The following ZDHHC22 variants were observed in gnomAD, a reference collection of about 807,000 sequenced individuals.
The protein encoded by ZDHHC22 is zDHHC palmitoyltransferase 22, also known as palmitoyltransferase ZDHHC22.
ZDHHC22 carries 13 observed loss-of-function variants against 17.0 expected under a neutral mutation model. That is an observed-to-expected ratio of 0.76 (90% confidence interval 0.50 to 1.21). The LOEUF (loss-of-function observed/expected upper bound fraction) is 1.21. Ranked by LOEUF, ZDHHC22 falls within the 50% of genes most tolerant of loss-of-function variation. ZDHHC22 has a pLI of 0.00. For missense variants in ZDHHC22, 319 were observed against 342.3 expected (o/e 0.93, Z 0.54); for synonymous variants, 138 against 154.7 (o/e 0.89, Z 0.80).
Position 77,133,784 on chromosome 14 carries a change from G to T in ZDHHC22, c.691C>A (p.Arg231Ser). 6.2e-7 allele frequency: 1 copy of T among 1,613,982 alleles called. No individual in the cohort carries two copies. Among genetic ancestry groups the T allele is most frequent in the Non-Finnish European group, 8.5e-7 (1 of 1,179,890 alleles). The change falls in exon 3 of 3, where the codon CGC (arginine) becomes AGC (serine). Residue 231 changes from arginine (R) to serine (S), a missense_variant. Physicochemically the swap from Arg to Ser is moderately radical, Grantham distance 110. Transcript: ENST00000319374. ...CCGAAGACCTCTTGTAAGTTCTTGC[G>T]CCAGGGCCGGGCCCTCACTGCCACC... Reference protein sequence around the residue: ...KGVAVRARPWRKNLQEVFGKR... With the variant: ...KGVAVRARPWSKNLQEVFGKR...
At chr14:77,138,896 CTG>C (rs1453391793) in intron 2 of ZDHHC22, among the ~76,000 whole-genome samples, 2 of 152,148 alleles carry the variant, frequency 1.3e-5, no homozygotes, top group Non-Finnish European at 2.9e-5. Flanking sequence ...TGCCACAACT[CTG>C]TGAGCATATG....
chr14:77,131,513 C>A lies in ZDHHC22; in HGVS notation c.*2170G>T, dbSNP rs1029558672. Reference sequence around the variant, plus strand: ...TGGCTTCTAAGCTTGAGCTCTGGAGCCAGGAAAGAGTCAAGGCCAAAATTG... The same window carrying A: ...TGGCTTCTAAGCTTGAGCTCTGGAGACAGGAAAGAGTCAAGGCCAAAATTG... On this transcript the variant is annotated 3_prime_UTR_variant, in exon 3 of 3. Coordinates refer to ENST00000319374, the MANE Select transcript of ZDHHC22 (RefSeq NM_174976.2). 5 of 152,200 alleles carry A rather than the reference C, an allele frequency of 3.3e-5. No individual in the cohort carries two copies. The highest frequency in any genetic ancestry group is 1.2e-4 in the African/African-American group (5 of 41,444). 9.4% of individuals were successfully genotyped at this position (152,200 alleles called of 1,614,324 possible).
At chr14:77,137,250 G>A (rs59366468) in intron 2 of ZDHHC22, among the ~76,000 whole-genome samples, 9,270 of 152,240 alleles carry the variant, frequency 0.061, 362 homozygotes, top group Admixed American at 0.13. Flanking sequence ...TTGCTCGCCT[G>A]TTTCCAGTGG....
At position 77,133,808 on chromosome 14, in the gene ZDHHC22, C is replaced by T; in HGVS notation, c.667G>A (p.Val223Met). ...CGCCAGGGCCGGGCCCTCACTGCCA[C>T]CCCCTTCCGCACCTGGTGGCGGGTC... ...GQTRHQVRKG[V>M]AVRARPWRKN... Residue 223 changes from valine (V) to methionine (M), a missense_variant, in exon 3 of 3, where the codon GTG becomes ATG. Physicochemically the swap from Val to Met is conservative, Grantham distance 21. Coordinates refer to ENST00000319374, the MANE Select transcript of ZDHHC22 (RefSeq NM_174976.2). The T allele has an allele frequency of 1.2e-6, 2 of 1,613,988 alleles. No homozygotes were observed. The highest frequency in any genetic ancestry group is 1.7e-6 in the Non-Finnish European group (2 of 1,179,896).
chr14:77,133,494 G>A lies in ZDHHC22; in HGVS notation c.*189C>T. 1.3e-6 allele frequency: 1 copy of A among 792,350 alleles called. No homozygotes were observed. Among genetic ancestry groups the A allele is most frequent in the Non-Finnish European group, 1.9e-6 (1 of 537,788 alleles). The allele number at this position is 792,350 out of a possible 1,614,324, so 49.1% of individuals were successfully genotyped here. A position where few individuals can be genotyped will look rare whatever the true frequency, so the allele number is the denominator to read the frequency against. ...TCGTGAGGAGCCTAGAAATGCCTGG[G>A]GGGACATTTTTCCTCCTTGTCATGA... On this transcript the variant is annotated 3_prime_UTR_variant, in exon 3 of 3. Coordinates refer to ENST00000319374, the MANE Select transcript of ZDHHC22 (RefSeq NM_174976.2).
intron 2 of ZDHHC22, 121 bp from the exon 3 acceptor site, chr14:77,134,069 T>A: frequency 2.4e-6 from 3 of 1,244,348 alleles, no homozygotes; most frequent in Non-Finnish European, 3.3e-6. Flanking sequence ...ACGCTACATT[T>A]TGTAGCAACC....
intron 2 of ZDHHC22, among the ~76,000 whole-genome samples, chr14:77,136,698 C>T (rs1887142963): frequency 1.3e-5 from 2 of 152,222 alleles, no homozygotes; most frequent in African/African-American, 2.4e-5. Flanking sequence ...GGCCCAAACT[C>T]ACAGCCATCC....
chr14:77,139,460 GC>G lies in ZDHHC22; in HGVS notation c.278del (p.Ser93ThrfsTer13). 1 of 1,613,202 alleles carries G rather than the reference GC, an allele frequency of 6.2e-7. No individual in the cohort carries two copies. The highest frequency in any genetic ancestry group is 8.5e-7 in the Non-Finnish European group (1 of 1,179,640). ...SARKTPCPSP[S>X]THFCRVCARV... ...TGGCGCACACTCGGCAGAAGTGGGT[GC>G]TAGGTGAGGGGCATGGAGTCTTCCT... On this transcript the variant is annotated frameshift_variant, in exon 2 of 3. Coordinates refer to ENST00000319374, the MANE Select transcript of ZDHHC22 (RefSeq NM_174976.2). LOFTEE classifies it high-confidence loss of function.
chr14:77,141,158 A>C (rs1340286919), intron 1 of ZDHHC22: 1 of 152,100 alleles, frequency 6.6e-6, no homozygotes, highest in Non-Finnish European at 1.5e-5. Context: ...GCACGCCCCC[A>C]GTCCTGCGCC....
rs576580680 is a variant in ZDHHC22 at position 77,136,550 on chromosome 14, T to A, written c.527-2602A>T. On this transcript the variant is annotated intron_variant, in intron 2 of 2. Coordinates refer to ENST00000319374, the MANE Select transcript of ZDHHC22 (RefSeq NM_174976.2). ...TTCAGAGAGGTGACACAGCAACCTG[T>A]ACTGGTCCCACAAAGCCAAAAGAAA... is the stretch of plus-strand genomic sequence containing the variant. Among the ~76,000 whole-genome samples, 4 of 152,282 alleles carry A rather than the reference T, an allele frequency of 2.6e-5. No individual in the cohort carries two copies. The South Asian group carries it at 8.3e-4, about 32-fold the overall frequency.
chr14:77,138,385 C>T (rs1384006909), intron 2 of ZDHHC22, among the ~76,000 whole-genome samples: 1 of 152,194 alleles, frequency 6.6e-6, no homozygotes, highest in Non-Finnish European at 1.5e-5. Flanking sequence ...CAGTAAAACA[C>T]CATCTCTACT....
At position 77,137,717 on chromosome 14, in the gene ZDHHC22, T is replaced by C. The variant is rs139052788; in HGVS notation, c.526+1496A>G. Among the ~76,000 whole-genome samples, 22 of 152,328 alleles carry C rather than the reference T, an allele frequency of 1.4e-4. No homozygotes were observed. The East Asian group carries it at 4.2e-3, about 29-fold the overall frequency. On this transcript the variant is annotated intron_variant, in intron 2 of 2. Coordinates refer to ENST00000319374, the MANE Select transcript of ZDHHC22 (RefSeq NM_174976.2). Reference sequence around the variant, plus strand: ...TCTGTGTTCCCACTGCCAAATGGCATGATAGTTCTATGCCTGGGAAGAACT... The same window carrying C: ...TCTGTGTTCCCACTGCCAAATGGCACGATAGTTCTATGCCTGGGAAGAACT...
At chr14:77,136,324 A>G (rs945062250) in intron 2 of ZDHHC22, among the ~76,000 whole-genome samples, 9 of 152,210 alleles carry the variant, frequency 5.9e-5, no homozygotes, top group African/African-American at 2.2e-4. Context: ...TTAAAAATGG[A>G]CATGATAATA....
At chr14:77,142,093 G>C (rs775986968), upstream of ZDHHC22, 1 of 152,650 alleles carries the variant, frequency 6.6e-6, no homozygotes, top group Non-Finnish European at 1.5e-5. Context: ...GGCTTGAGAG[G>C]TCAGCTTGCC....
rs1029274918 is a variant in ZDHHC22, at chr14:77,140,590, C to G, written c.-14-838G>C. On this transcript the variant is annotated intron_variant, in intron 1 of 2. Coordinates refer to ENST00000319374, the MANE Select transcript of ZDHHC22 (RefSeq NM_174976.2). The surrounding 1 kb of genome is among the most constrained non-coding windows in gnomAD (Gnocchi z 5.9). ...GCACATCTCTCCAACGCTGGCTGCC[C>G]GGGCTATTTCTTTGCGAAGAGCGTT... is the stretch of plus-strand genomic sequence containing the variant. The G allele has an allele frequency of 6.6e-6, 1 of 152,126 alleles. No homozygotes were observed. The highest frequency in any genetic ancestry group is 1.5e-5 in the Non-Finnish European group (1 of 68,008). 9.4% of individuals were successfully genotyped at this position (152,126 alleles called of 1,614,324 possible).
intron 2 of ZDHHC22, 92 bp downstream of exon 2, chr14:77,139,121 G>A: frequency 7.3e-7 from 1 of 1,375,854 alleles, no homozygotes; most frequent in Non-Finnish European, 9.8e-7. Context: ...TGCTAAATCT[G>A]GCAACTTTTG....
intron 2 of ZDHHC22, 123 bp downstream of exon 2, chr14:77,139,090 G>A (rs376645970): frequency 4.7e-6 from 5 of 1,065,266 alleles, no homozygotes; most frequent in Admixed American, 2.9e-5. Context: ...TTAATTTAGC[G>A]GGACGGTCTG....
rs533154951 is a variant in ZDHHC22, at chr14:77,137,704, C to T, written c.526+1509G>A. On this transcript the variant is annotated intron_variant, in intron 2 of 2. Transcript: ENST00000319374. ...TCCCCCCTGTATCTCTGTGTTCCCA[C>T]TGCCAAATGGCATGATAGTTCTATG... 1.1e-3 allele frequency among the ~76,000 whole-genome samples: 162 copies of T among 152,354 alleles called. 1 individual carries two copies. Among genetic ancestry groups the T allele is most frequent in the African/African-American group, 3.7e-3 (154 of 41,586 alleles).
chr14:77,139,161 G>A (rs1467003548), intron 2 of ZDHHC22, 52 bp downstream of exon 2: 1 of 1,515,916 alleles, frequency 6.6e-7, no homozygotes, highest in Non-Finnish European at 8.9e-7. Flanking sequence ...GGCAACCTTT[G>A]GGGTGGGAGG....
Sources: gnomAD v4.1 joint callset for allele counts (sites outside exome capture counted in the v4.1 genomes callset) on GRCh38, gnomAD v4.1.1 for gene constraint, Gnocchi (gnomAD v3.1) non-coding constraint, MANE v1.5 for transcripts, NCBI Gene and HGNC (gene_info 2026-07-23, HGNC 2026-07-21) for gene names.